Variants in ADAMTSL4 observed in about 807,000 individuals in gnomAD.
ADAMTSL4 encodes ADAMTS-like protein 4.
Under a neutral mutation model 122.8 loss-of-function variants are expected in ADAMTSL4, and 97 were observed. The observed-to-expected ratio is 0.79, with a 90% CI of 0.67 to 0.93. The LOEUF is 0.93. ADAMTSL4 is among the 40% of genes least tolerant of loss of function. ADAMTSL4 has a pLI of 0.00. For synonymous variants in ADAMTSL4, 592 were observed against 568.0 expected, an observed-to-expected ratio of 1.04 and a Z score of -0.60; for missense variants, 1,408 against 1,453.5, an observed-to-expected ratio of 0.97 and a Z score of 0.51.
rs1037440970 is a variant in ADAMTSL4, at chr1:150,552,423, A to C, written c.20+115A>C. On this transcript the variant is annotated intron_variant, in intron 3 of 18. Transcript: ENST00000271643. The surrounding 1 kb of genome is among the most constrained non-coding windows in gnomAD (Gnocchi z 4.0). ...GGAGGGGCAGGGGAAGTGATGAGTA[A>C]CTTCTGCTTTCTGAGAAGTTGGTAG... is the stretch of plus-strand genomic sequence containing the variant. 6.4e-7 allele frequency: 1 copy of C among 1,559,616 alleles called. No homozygotes were observed. The highest frequency in any genetic ancestry group is 1.4e-5 in the African/African-American group (1 of 73,732).
chr1:150,558,381 C>G (rs907330491), intron 14 of ADAMTSL4, 92 bp from the exon 15 acceptor site: 8 of 1,583,958 alleles, frequency 5.1e-6, no homozygotes, highest in South Asian at 3.4e-5. Context: ...GGCTGGGGAT[C>G]GAAGGCAGAG....
Position 150,556,488 on chromosome 1 carries a change from G to A in ADAMTSL4, c.1576+122G>A. Reference sequence around the variant, plus strand: ...GGGCCTAGCCCCTCCCCTCGTGGAAGGAGTGAGGAAGCTGAGAGGGCTTGG... The same window carrying A: ...GGGCCTAGCCCCTCCCCTCGTGGAAAGAGTGAGGAAGCTGAGAGGGCTTGG... On this transcript the variant is annotated intron_variant, in intron 9 of 18. Transcript: ENST00000271643. The surrounding 1 kb of genome is among the most constrained non-coding windows in gnomAD (Gnocchi z 4.1). 1 of 1,566,274 alleles carries A rather than the reference G, an allele frequency of 6.4e-7. No homozygotes were observed. The highest frequency in any genetic ancestry group is 8.8e-7 in the Non-Finnish European group (1 of 1,141,818).
At chr1:150,555,996 C>A in intron 8 of ADAMTSL4, 166 bp from the exon 9 acceptor site, 1 of 709,272 alleles carries the variant, frequency 1.4e-6, no homozygotes, top group Non-Finnish European at 2.5e-6. Context: ...TCTGATCGGG[C>A]ACCTGTCCAT....
chr1:150,556,599 A>G lies in ADAMTSL4; in HGVS notation c.1577-22A>G. 6.2e-7 allele frequency: 1 copy of G among 1,613,780 alleles called. No individual in the cohort carries two copies. Among genetic ancestry groups the G allele is most frequent in the Non-Finnish European group, 8.5e-7 (1 of 1,179,954 alleles). ...GGTATTATCACCCTGGAATTTCCCG[A>G]TCTCTCACCTCTGACCCGCAGCACT... On this transcript the variant is annotated intron_variant, in intron 9 of 18. Coordinates refer to ENST00000271643, the MANE Select transcript of ADAMTSL4 (RefSeq NM_019032.6). The surrounding 1 kb of genome is among the most constrained non-coding windows in gnomAD (Gnocchi z 4.1).
rs199530808 is a variant in ADAMTSL4, at chr1:150,558,487, C to A, written c.2397C>A (p.Cys799Ter). 5 of 1,613,610 alleles carry A rather than the reference C, an allele frequency of 3.1e-6. No individual in the cohort carries two copies. In the East Asian group the frequency reaches 1.1e-4, roughly 36 times the overall value. Residue 799 changes from cysteine (C) to a stop codon, truncating the protein, a stop_gained, in exon 15 of 19, where the codon TGC (cysteine) becomes TGA (stop). Transcript: ENST00000271643. LOFTEE classifies it high-confidence loss of function. Reference protein sequence around the residue: ...GSPWSQCSVRCGRGQRSRQVR... With the variant: ...GSPWSQCSVR Reference sequence around the variant, plus strand: ...CGCCCCCTCAGTGCTCCGTGCGGTGCGGCCGGGGCCAGAGAAGCCGGCAGG... The same window carrying A: ...CGCCCCCTCAGTGCTCCGTGCGGTGAGGCCGGGGCCAGAGAAGCCGGCAGG...
At chr1:150,550,058 G>C in intron 2 of ADAMTSL4, 163 bp downstream of exon 2, 1 of 353,174 alleles carries the variant, frequency 2.8e-6, no homozygotes, top group South Asian at 2.1e-5. Flanking sequence ...GAAACACAGG[G>C]TCCAACCACT....
chr1:150,556,646 CAT>C lies in ADAMTSL4; in HGVS notation c.1603_1604del (p.Ile535HisfsTer23). 1 of 1,614,036 alleles carries C rather than the reference CAT, an allele frequency of 6.2e-7. No individual in the cohort carries two copies. Among genetic ancestry groups the C allele is most frequent in the African/African-American group, 1.3e-5 (1 of 75,018 alleles). ...LALRGPGGRS[I>X]INGNWAVDPP... ...CACTTCGTGGCCCTGGGGGCCGGTC[CAT>C]CATCAATGGGAACTGGGCTGTGGAT... On this transcript the variant is annotated frameshift_variant, in exon 10 of 19. Coordinates refer to ENST00000271643, the MANE Select transcript of ADAMTSL4 (RefSeq NM_019032.6). LOFTEE classifies it high-confidence loss of function. This position sits in a 1 kb window ranked among gnomAD's most constrained non-coding sequence, Gnocchi z 4.1.
At position 150,552,339 on chromosome 1, in the gene ADAMTSL4, G is replaced by A; in HGVS notation, c.20+31G>A. 1 of 1,553,054 alleles carries A rather than the reference G, an allele frequency of 6.4e-7. No individual in the cohort carries two copies. The highest frequency in any genetic ancestry group is 8.7e-7 in the Non-Finnish European group (1 of 1,146,518). On this transcript the variant is annotated intron_variant, in intron 3 of 18. Coordinates refer to ENST00000271643, the MANE Select transcript of ADAMTSL4 (RefSeq NM_019032.6). This position sits in a 1 kb window ranked among gnomAD's most constrained non-coding sequence, Gnocchi z 4.0. ...AGAAGGGGCCACGGGTTGGGGGGGA[G>A]GAAAAGGGGAGGTGCTGGGATGGCT... is the stretch of plus-strand genomic sequence containing the variant.
At position 150,557,469 on chromosome 1, in the gene ADAMTSL4, C is replaced by A. The variant is rs749353642; in HGVS notation, c.2048-25C>A. The A allele has an allele frequency of 1.1e-5, 17 of 1,612,800 alleles. No individual in the cohort carries two copies. The Admixed American group carries it at 2.8e-4, about 27-fold the overall frequency. ...AGCTTGGGCTCTAGCCTCCTGCCTC[C>A]CTGGCTGCCTTCTCACCCACTCAGG... On this transcript the variant is annotated intron_variant, in intron 12 of 18. Coordinates refer to ENST00000271643, the MANE Select transcript of ADAMTSL4 (RefSeq NM_019032.6).
rs140528374 is a variant in ADAMTSL4 at position 150,557,188 on chromosome 1, C to T, written c.1900C>T (p.Arg634Cys). Residue 634 changes from arginine to cysteine, a missense_variant, in exon 12 of 19, where the codon CGC (arginine) becomes TGC (cysteine). Physicochemically the swap from Arg to Cys is radical, Grantham distance 180. Coordinates refer to ENST00000271643, the MANE Select transcript of ADAMTSL4 (RefSeq NM_019032.6). Reference sequence around the variant, plus strand: ...GGAGCCCCCACTTGCTCCGGCACCCCGCCCAGCCCGGACCCCAGGCACCCT... The same window carrying T: ...GGAGCCCCCACTTGCTCCGGCACCCTGCCCAGCCCGGACCCCAGGCACCCT... ...RVEPPLAPAP[R>C]PARTPGTLQR... 3.2e-5 allele frequency: 52 copies of T among 1,611,620 alleles called. No homozygotes were observed. Among genetic ancestry groups the T allele is most frequent in the Middle Eastern group, 1.7e-4 (1 of 5,996 alleles).
At position 150,556,452 on chromosome 1, in the gene ADAMTSL4, G is replaced by A; in HGVS notation, c.1576+86G>A. 1 of 1,587,172 alleles carries A rather than the reference G, an allele frequency of 6.3e-7. No homozygotes were observed. The highest frequency in any genetic ancestry group is 8.6e-7 in the Non-Finnish European group (1 of 1,161,442). ...TCAGAGCAGTGAGCAAGCCAAACAGGGGGAAGTCCAGGGCCTAGCCCCTCC... is the reference window on the plus strand; with the variant it reads ...TCAGAGCAGTGAGCAAGCCAAACAGAGGGAAGTCCAGGGCCTAGCCCCTCC... On this transcript the variant is annotated intron_variant, in intron 9 of 18. Transcript: ENST00000271643. The surrounding 1 kb of genome is among the most constrained non-coding windows in gnomAD (Gnocchi z 4.1).
At position 150,559,578 on chromosome 1, in the gene ADAMTSL4, C is replaced by A; in HGVS notation, c.2943+112C>A. 2.6e-6 allele frequency: 4 copies of A among 1,559,728 alleles called. No individual in the cohort carries two copies. Among genetic ancestry groups the A allele is most frequent in the Non-Finnish European group, 3.5e-6 (4 of 1,145,476 alleles). ...CTCTGTGCCCCAGAATAAGCCCAGCCAAGCGTTACCACTGTCCTACTTCTT... is the reference window on the plus strand; with the variant it reads ...CTCTGTGCCCCAGAATAAGCCCAGCAAAGCGTTACCACTGTCCTACTTCTT... On this transcript the variant is annotated intron_variant, in intron 17 of 18. Coordinates refer to ENST00000271643, the MANE Select transcript of ADAMTSL4 (RefSeq NM_019032.6). The surrounding 1 kb of genome is among the most constrained non-coding windows in gnomAD (Gnocchi z 4.1).
Position 150,556,103 on chromosome 1 carries a change from G to T in ADAMTSL4, c.1372-59G>T. ...GAGCTGAGGCTCCCGAGGGGACCGG[G>T]GTGGGGTTGAGGTGGTGTCTGGCGT... On this transcript the variant is annotated intron_variant, in intron 8 of 18. Coordinates refer to ENST00000271643, the MANE Select transcript of ADAMTSL4 (RefSeq NM_019032.6). The surrounding 1 kb of genome is among the most constrained non-coding windows in gnomAD (Gnocchi z 4.1). 2 of 1,591,090 alleles carry T rather than the reference G, an allele frequency of 1.3e-6. No individual in the cohort carries two copies. The highest frequency in any genetic ancestry group is 2.7e-5 in the African/African-American group (2 of 74,560).
rs757026814 is a variant in ADAMTSL4, at chr1:150,556,695, G to A, written c.1651G>A (p.Gly551Ser). 22 of 1,613,922 alleles carry A rather than the reference G, an allele frequency of 1.4e-5. No homozygotes were observed. The highest frequency in any genetic ancestry group is 2.2e-5 in the East Asian group (1 of 44,882). ...GGATCCCCCTGGGTCCTACAGGGCC[G>A]GCGGGACCGTCTTTCGATATAACCG... The part of the protein sequence containing the change: ...AVDPPGSYRA[G>S]GTVFRYNRPP... The change falls in exon 10 of 19, where the codon GGC becomes AGC. Residue 551 changes from glycine (G) to serine (S), a missense_variant. By Grantham distance (56) the Gly-to-Ser change is moderately conservative. Coordinates refer to ENST00000271643, the MANE Select transcript of ADAMTSL4 (RefSeq NM_019032.6). The surrounding 1 kb of genome is among the most constrained non-coding windows in gnomAD (Gnocchi z 4.1).
chr1:150,559,184 G>T lies in ADAMTSL4; in HGVS notation c.2763+19G>T. 1 of 1,612,174 alleles carries T rather than the reference G, an allele frequency of 6.2e-7. No individual in the cohort carries two copies. The highest frequency in any genetic ancestry group is 8.5e-7 in the Non-Finnish European group (1 of 1,179,390). On this transcript the variant is annotated intron_variant, in intron 16 of 18. Transcript: ENST00000271643. The surrounding 1 kb of genome is among the most constrained non-coding windows in gnomAD (Gnocchi z 4.1). Reference sequence around the variant, plus strand: ...GGGTGAGGTAAGCTGAGCGCCTGCTGAGAGCAGGAAGGGGGTGCCAGTCCC... The same window carrying T: ...GGGTGAGGTAAGCTGAGCGCCTGCTTAGAGCAGGAAGGGGGTGCCAGTCCC...
chr1:150,552,433 T>C lies in ADAMTSL4; in HGVS notation c.21-110T>C. Reference sequence around the variant, plus strand: ...GGGAAGTGATGAGTAACTTCTGCTTTCTGAGAAGTTGGTAGTCAGGATATG... The same window carrying C: ...GGGAAGTGATGAGTAACTTCTGCTTCCTGAGAAGTTGGTAGTCAGGATATG... On this transcript the variant is annotated intron_variant, in intron 3 of 18. Coordinates refer to ENST00000271643, the MANE Select transcript of ADAMTSL4 (RefSeq NM_019032.6). This position sits in a 1 kb window ranked among gnomAD's most constrained non-coding sequence, Gnocchi z 4.0. 1 of 1,563,106 alleles carries C rather than the reference T, an allele frequency of 6.4e-7. No individual in the cohort carries two copies. Among genetic ancestry groups the C allele is most frequent in the Non-Finnish European group, 8.8e-7 (1 of 1,139,592 alleles).
rs769503138 is a variant in ADAMTSL4 at position 150,556,109 on chromosome 1, G to T, written c.1372-53G>T. On this transcript the variant is annotated intron_variant, in intron 8 of 18. Transcript: ENST00000271643. This position sits in a 1 kb window ranked among gnomAD's most constrained non-coding sequence, Gnocchi z 4.1. ...AGGCTCCCGAGGGGACCGGGGTGGG[G>T]TTGAGGTGGTGTCTGGCGTTCTGTG... 60 of 1,600,496 alleles carry T rather than the reference G, an allele frequency of 3.7e-5. No homozygotes were observed. The African/African-American group carries it at 7.5e-4, about 20-fold the overall frequency.
At chr1:150,558,435 G>A in intron 14 of ADAMTSL4, 38 bp from the exon 15 acceptor site, 1 of 1,611,094 alleles carries the variant, frequency 6.2e-7, no homozygotes. Context: ...GAGAAGGTCT[G>A]GGAAGCCCAG....
intron 8 of ADAMTSL4, 53 bp downstream of exon 8, chr1:150,555,618 CATGCCCCCATATGCAT>C (rs2101609658): frequency 3.1e-6 from 5 of 1,604,676 alleles, no homozygotes; most frequent in Admixed American, 1.7e-5. Context: ...CACACAGACA[CATGCCCCCATATGCAT>C]ACACATGTAC....
Sources: allele counts gnomAD v4.1 joint callset, GRCh38; gene constraint gnomAD v4.1.1; non-coding constraint Gnocchi (gnomAD v3.1); transcripts MANE v1.5; gene names NCBI Gene and HGNC (gene_info 2026-07-23, HGNC 2026-07-21).